The following PCDHA6 variants were observed in gnomAD, a reference collection of about 807,000 sequenced individuals.
The protein encoded by PCDHA6 is protocadherin alpha-6.
A neutral mutation model predicts 60.3 loss-of-function variants in PCDHA6; 55 were observed. That is an observed-to-expected ratio of 0.91 (90% CI 0.73 to 1.14). The LOEUF is 1.14. Ranked by LOEUF, PCDHA6 falls within the 50% of genes most tolerant of loss-of-function variation. The probability of loss-of-function intolerance (pLI) is 0.00; values close to 1 mark genes in which losing one functional copy is unlikely to be tolerated. For synonymous variants in PCDHA6, 652 were observed against 557.9 expected, an observed-to-expected ratio of 1.17 and a Z score of -2.38; for missense variants, 1,327 against 1,256.5, an observed-to-expected ratio of 1.06 and a Z score of -0.85.
At chr5:140,876,483 G>T (rs373900620) in intron 1 of PCDHA6, 1 of 1,614,004 alleles carries the variant, frequency 6.2e-7, no homozygotes, top group Non-Finnish European at 8.5e-7. Flanking sequence ...GCATGGTCCT[G>T]GTGGAAGTTC....
rs2098419648 is a variant in PCDHA6 at position 141,011,160 on chromosome 5, A to AT, written c.*1224dup. The AT allele has an allele frequency of 6.5e-6, 1 of 153,706 alleles. No homozygotes were observed. The highest frequency in any genetic ancestry group is 2.4e-5 in the African/African-American group (1 of 41,436). 9.5% of individuals were successfully genotyped at this position (153,706 alleles called of 1,614,324 possible). A position where few individuals can be genotyped will look rare whatever the true frequency, so the allele number is the denominator to read the frequency against. ...TACACAACCTTCTCTAACCAACTAT[A>AT]TATCAAGACCCAAAAATTGAAGAAA... On this transcript the variant is annotated 3_prime_UTR_variant, in exon 4 of 4. Coordinates refer to ENST00000529310, the MANE Select transcript of PCDHA6 (RefSeq NM_018909.4).
chr5:140,924,472 GT>G (rs1436957745), intron 1 of PCDHA6, among the ~76,000 whole-genome samples: 2 of 152,188 alleles, frequency 1.3e-5, no homozygotes, highest in African/African-American at 4.8e-5. Context: ...GAGGTAACTG[GT>G]TTTTAGTGGA....
In PCDHA6 at chr5:140,916,964, T is replaced by C. The variant is rs139574694; in HGVS notation, c.2395-61985T>C. On this transcript the variant is annotated intron_variant, in intron 1 of 3. Transcript: ENST00000529310. The stretch of plus-strand genomic sequence containing the variant: ...GTGAGGCTTGCTGAGTTCTGACTGC[T>C]GGGATGAGTGATTCGCCTCTGGCCA... Among the ~76,000 whole-genome samples, 15 of 152,322 alleles carry C rather than the reference T, an allele frequency of 9.8e-5. No individual in the cohort carries two copies. In the East Asian group the frequency reaches 2.9e-3, roughly 29 times the overall value.
At chr5:140,836,821 T>C in intron 1 of PCDHA6, 1 of 1,070,782 alleles carries the variant, frequency 9.3e-7, no homozygotes, top group Non-Finnish European at 1.3e-6. Flanking sequence ...CATAATTTCT[T>C]TTTTAGTTGA....
intron 1 of PCDHA6, chr5:140,868,773 G>A (rs1343929561): frequency 7.6e-6 from 2 of 262,984 alleles, no homozygotes; most frequent in African/African-American, 4.4e-5. Flanking sequence ...GTTTCAATAT[G>A]ACTTATAATC....
Position 140,843,501 on chromosome 5 carries a change from C to T in PCDHA6, c.2394+13016C>T, listed in dbSNP as rs2150361276. The stretch of plus-strand genomic sequence containing the variant: ...ACTGCGCTGCGGTGCTCAGCACTGC[C>T]CACTGAGGGCGGGTGCCGGGCGGGC... On this transcript the variant is annotated intron_variant, in intron 1 of 3. Coordinates refer to ENST00000529310, the MANE Select transcript of PCDHA6 (RefSeq NM_018909.4). 8.1e-6 allele frequency: 13 copies of T among 1,595,862 alleles called. 1 individual carries two copies. Among genetic ancestry groups the T allele is most frequent in the East Asian group, 2.2e-5 (1 of 44,830 alleles).
intron 1 of PCDHA6, chr5:140,851,680 A>G (rs2042128414): frequency 2.2e-6 from 2 of 918,856 alleles, no homozygotes; most frequent in African/African-American, 3.6e-5. Flanking sequence ...AATTTTCTCC[A>G]TTCAGTGATA....
intron 1 of PCDHA6, chr5:140,835,633 G>A (rs1449740308): frequency 2.5e-5 from 40 of 1,613,932 alleles, no homozygotes; most frequent in Non-Finnish European, 3.2e-5. Flanking sequence ...GACCGCGAGA[G>A]TGTGTCCGCC....
At chr5:140,939,350 A>G (rs2153641006) in intron 1 of PCDHA6, among the ~76,000 whole-genome samples, 1 of 152,266 alleles carries the variant, frequency 6.6e-6, no homozygotes, top group East Asian at 1.9e-4. Context: ...ATTTCAACTT[A>G]TGATTGCAAA....
chr5:140,900,271 G>A (rs1055315411), intron 1 of PCDHA6, among the ~76,000 whole-genome samples: 2 of 151,762 alleles, frequency 1.3e-5, no homozygotes, highest in Non-Finnish European at 2.9e-5. Flanking sequence ...TTGTGTATAT[G>A]TACCACACTT....
At chr5:140,884,938 G>A (rs2060412389) in intron 1 of PCDHA6, among the ~76,000 whole-genome samples, 1 of 152,106 alleles carries the variant, frequency 6.6e-6, no homozygotes, top group African/African-American at 2.4e-5. Context: ...TCTTGCAATT[G>A]AGCATTTACA....
chr5:141,000,395 CTATA>C (rs1190667031), intron 3 of PCDHA6, among the ~76,000 whole-genome samples: 54 of 53,974 alleles, frequency 1.0e-3, no homozygotes, highest in East Asian at 2.4e-3. Context: ...CTCTCTCTCT[CTATA>C]TATATATATA....
chr5:140,902,203 C>CTTTTTTTT (rs148688132), intron 1 of PCDHA6, among the ~76,000 whole-genome samples: 9 of 124,444 alleles, frequency 7.2e-5, no homozygotes, highest in Non-Finnish European at 8.4e-5. Context: ...CTCTCTCTTT[C>CTTTTTTTT]TTTTTTTTTT....
At chr5:140,910,137 T>A (rs2074898699) in intron 1 of PCDHA6, among the ~76,000 whole-genome samples, 1 of 152,232 alleles carries the variant, frequency 6.6e-6, no homozygotes, top group Non-Finnish European at 1.5e-5. Flanking sequence ...CTGGTTTAAG[T>A]CTGGAAATTG....
chr5:140,945,124 C>T (rs269553), intron 1 of PCDHA6, among the ~76,000 whole-genome samples: 48,193 of 151,846 alleles, frequency 0.32, 7,977 homozygotes, highest in East Asian at 0.53. Flanking sequence ...AAAAAATCAA[C>T]TTACAAAAAT....
chr5:140,989,350 T>G (rs188962457), intron 3 of PCDHA6, among the ~76,000 whole-genome samples: 17 of 152,274 alleles, frequency 1.1e-4, no homozygotes, highest in African/African-American at 3.9e-4. Context: ...TCAAAGGTGA[T>G]AGGTCACCTG....
intron 1 of PCDHA6, chr5:140,860,705 T>C (rs1444620274): frequency 6.6e-6 from 1 of 152,242 alleles, no homozygotes; most frequent in Non-Finnish European, 1.5e-5. Context: ...ATATTGTTGT[T>C]CTCCATGAAA....
intron 1 of PCDHA6, among the ~76,000 whole-genome samples, chr5:140,940,415 A>G (rs1187271340): frequency 2.0e-5 from 3 of 152,118 alleles, no homozygotes; most frequent in African/African-American, 7.2e-5. Flanking sequence ...TAAAAATTAT[A>G]ATTATTACTG....
intron 3 of PCDHA6, among the ~76,000 whole-genome samples, chr5:140,983,911 G>A (rs546792762): frequency 6.6e-6 from 1 of 152,290 alleles, no homozygotes; most frequent in East Asian, 1.9e-4. Flanking sequence ...ATTCTAATCA[G>A]CCAGGATTTG....
Sources: gnomAD v4.1 joint callset for allele counts (sites outside exome capture counted in the v4.1 genomes callset) on GRCh38, gnomAD v4.1.1 for gene constraint, MANE v1.5 for transcripts, NCBI Gene and HGNC (gene_info 2026-07-23, HGNC 2026-07-21) for gene names.